Variants in PWWP3A observed in about 807,000 individuals in gnomAD.
PWWP3A encodes the protein PWWP domain containing 3A, DNA repair factor.
PWWP3A carries 53 observed loss-of-function variants against 79.0 expected under a neutral mutation model. The ratio of observed to expected loss-of-function variants is 0.67; its 90% CI spans 0.54 to 0.84. PWWP3A has a LOEUF of 0.84. Among genes scored for constraint, PWWP3A ranks in the 40% least tolerant of loss-of-function variants. The probability of loss-of-function intolerance (pLI) is 0.00; values close to 1 mark genes in which losing one functional copy is unlikely to be tolerated. For synonymous variants in PWWP3A, 443 were observed against 394.4 expected (o/e 1.12, Z -1.46); for missense variants, 973 against 948.0 (o/e 1.03, Z -0.35).
chr19:1,370,737 C>A lies in PWWP3A; in HGVS notation c.1645C>A (p.Pro549Thr). 1 of 1,482,210 alleles carries A rather than the reference C, an allele frequency of 6.7e-7. No homozygotes were observed. Among genetic ancestry groups the A allele is most frequent in the Non-Finnish European group, 9.0e-7 (1 of 1,113,292 alleles). The allele number at this position is 1,482,210 out of a possible 1,614,324, so 91.8% of individuals were successfully genotyped here. ...CCCCGAGGAGCCCGTGGTGGGGTGC[C>A]CCCTGGGGCAGAGGCAGCCCTGCCG... ...GSPEEPVVGC[P>T]LGQRQPCRKM... is the part of the protein sequence containing the mutation. The change falls in exon 12 of 14, where the codon CCC (proline) becomes ACC (threonine). Residue 549 changes from proline to threonine, a missense_variant. Transcript: ENST00000591337.
intron 3 of PWWP3A, chr19:1,358,030 C>G: frequency 4.9e-6 from 1 of 205,528 alleles, no homozygotes; most frequent in East Asian, 1.2e-4. Flanking sequence ...CCAAAACACA[C>G]CTGCTGGGCT....
chr19:1,367,026 T>C, intron 8 of PWWP3A, 134 bp from the exon 9 acceptor site: 3 of 668,780 alleles, frequency 4.5e-6, no homozygotes, highest in Non-Finnish European at 7.7e-6. Context: ...GGGGAAACGG[T>C]CACCTTCCAT....
intron 13 of PWWP3A, among the ~76,000 whole-genome samples, chr19:1,375,070 A>C (rs899334216): frequency 1.3e-5 from 2 of 151,646 alleles, no homozygotes; most frequent in East Asian, 1.9e-4. Context: ...AAAAAAAAAA[A>C]AAACCAAGCA....
At chr19:1,358,670 C>G (rs1446531532) in intron 4 of PWWP3A, 1 of 1,528,520 alleles carries the variant, frequency 6.5e-7, no homozygotes. Context: ...CCTAGAACCA[C>G]TCCTATTCTT....
chr19:1,369,776 TC>T lies in PWWP3A; in HGVS notation c.1549+131del, dbSNP rs2144748384. The T allele has an allele frequency of 3.8e-6, 4 of 1,057,172 alleles. No individual in the cohort carries two copies. The highest frequency in any genetic ancestry group is 5.9e-6 in the Non-Finnish European group (4 of 681,328). 65.5% of individuals were successfully genotyped at this position (1,057,172 alleles called of 1,614,324 possible). A position where few individuals can be genotyped will look rare whatever the true frequency, so the allele number is the denominator to read the frequency against. ...ACTGTCCGCAGCCACACAGCATTGTTCAACCTCTATGAGGTTTTGATGTGAC... is the reference window on the plus strand; with the variant it reads ...ACTGTCCGCAGCCACACAGCATTGTTAACCTCTATGAGGTTTTGATGTGAC... On this transcript the variant is annotated intron_variant, in intron 11 of 13. Transcript: ENST00000591337. This position sits in a 1 kb window ranked among gnomAD's most constrained non-coding sequence, Gnocchi z 4.0.
chr19:1,356,120 A>C (rs1600092316), intron 1 of PWWP3A, among the ~76,000 whole-genome samples: 1 of 152,258 alleles, frequency 6.6e-6, no homozygotes, highest in East Asian at 1.9e-4. Flanking sequence ...ATTTATGAAA[A>C]AATGCAGGCG....
chr19:1,362,292 G>C lies in PWWP3A; in HGVS notation c.1154G>C (p.Arg385Pro). 1 of 1,614,092 alleles carries C rather than the reference G, an allele frequency of 6.2e-7. No homozygotes were observed. The highest frequency in any genetic ancestry group is 8.5e-7 in the Non-Finnish European group (1 of 1,180,006). The part of the protein sequence containing the change: ...SEESMGSNSM[R>P]SILEEDEEDE... Reference sequence around the variant, plus strand: ...GAGTCCATGGGGTCTAATTCCATGCGTTCTATCCTGGAGGAAGACGAGGAA... The same window carrying C: ...GAGTCCATGGGGTCTAATTCCATGCCTTCTATCCTGGAGGAAGACGAGGAA... Residue 385 changes from arginine to proline, a missense_variant, in exon 6 of 14, where the codon CGT becomes CCT. By Grantham distance (103) the Arg-to-Pro change is moderately radical. Coordinates refer to ENST00000591337, the MANE Select transcript of PWWP3A (RefSeq NM_001369789.1).
intron 5 of PWWP3A, chr19:1,361,977 T>G (rs2082026347): frequency 3.1e-6 from 1 of 327,100 alleles, no homozygotes; most frequent in Non-Finnish European, 5.8e-6. Context: ...GCAGCTTCTG[T>G]GGCCGAGGTG....
In PWWP3A at chr19:1,369,566, A is replaced by C; in HGVS notation, c.1499-30A>C. ...TTCCTGGGACTCCTCTTAGGTCTACACAGTGCTCTCTCCCCTCCACCCCCT... is the reference window on the plus strand; with the variant it reads ...TTCCTGGGACTCCTCTTAGGTCTACCCAGTGCTCTCTCCCCTCCACCCCCT... On this transcript the variant is annotated intron_variant, in intron 10 of 13. Transcript: ENST00000591337. This position sits in a 1 kb window ranked among gnomAD's most constrained non-coding sequence, Gnocchi z 4.0. 3.1e-6 allele frequency: 5 copies of C among 1,613,786 alleles called. No individual in the cohort carries two copies. Among genetic ancestry groups the C allele is most frequent in the Non-Finnish European group, 4.2e-6 (5 of 1,179,696 alleles).
intron 13 of PWWP3A, among the ~76,000 whole-genome samples, chr19:1,374,818 G>A (rs2144770868): frequency 6.6e-6 from 1 of 152,190 alleles, no homozygotes; most frequent in South Asian, 2.1e-4. Context: ...AAGGTGGGAG[G>A]ATCCTCTGAG....
chr19:1,360,672 G>A lies in PWWP3A; in HGVS notation c.751G>A (p.Ala251Thr), dbSNP rs143537895. 2.0e-5 allele frequency: 32 copies of A among 1,613,088 alleles called. No individual in the cohort carries two copies. The African/African-American group carries it at 4.0e-4, about 20-fold the overall frequency. The change falls in exon 5 of 14, where the codon GCA becomes ACA. Residue 251 changes from alanine (A) to threonine (T), a missense_variant. Transcript: ENST00000591337. The surrounding 1 kb of genome is among the most constrained non-coding windows in gnomAD (Gnocchi z 4.4). ...RDMGSKGGSW[A>T]APSLPSGVRE... ...CATGGGGAGCAAAGGAGGCAGCTGG[G>A]CAGCCCCGTCCTTGCCCTCCGGGGT...
chr19:1,367,560 T>TC (rs1351257444), intron 9 of PWWP3A, among the ~76,000 whole-genome samples: 2 of 152,216 alleles, frequency 1.3e-5, no homozygotes, highest in Non-Finnish European at 2.9e-5. Flanking sequence ...GCCGACTGTC[T>TC]CAGTCCACCC....
chr19:1,367,842 G>A (rs886216873), intron 9 of PWWP3A, among the ~76,000 whole-genome samples: 5 of 152,176 alleles, frequency 3.3e-5, no homozygotes, highest in African/African-American at 7.2e-5. Context: ...GCACCAACAC[G>A]TCAACTCAGT....
In PWWP3A at chr19:1,355,873, C is replaced by T. The variant is rs72981676; in HGVS notation, c.-69-451C>T. ...GATGCTGTGAACGGTCTGCAGCTGT[C>T]CCCGTTCTTTCAGGGACATGGCAGC... On this transcript the variant is annotated intron_variant, in intron 1 of 13. Coordinates refer to ENST00000591337, the MANE Select transcript of PWWP3A (RefSeq NM_001369789.1). 4.3e-3 allele frequency among the ~76,000 whole-genome samples: 654 copies of T among 151,918 alleles called. 6 individuals carry two copies. Among genetic ancestry groups the T allele is most frequent in the Non-Finnish European group, 5.6e-3 (381 of 67,966 alleles).
chr19:1,367,413 A>G (rs72983524), intron 9 of PWWP3A, among the ~76,000 whole-genome samples, 193 bp downstream of exon 9: 9,851 of 152,310 alleles, frequency 0.065, 415 homozygotes, highest in Non-Finnish European at 0.097. Flanking sequence ...GAATTCTCAC[A>G]ACTGTCCTGG....
chr19:1,368,953 C>T lies in PWWP3A; in HGVS notation c.1423-312C>T, dbSNP rs1007759344. 7.1e-6 allele frequency among the ~76,000 whole-genome samples: 1 copy of T among 141,114 alleles called. No individual in the cohort carries two copies. Among genetic ancestry groups the T allele is most frequent in the Admixed American group, 7.1e-5 (1 of 14,148 alleles). 92.6% of individuals were successfully genotyped at this position (141,114 alleles called of 152,430 possible). ...CCATCGGGTCCCCGGTGCCCACCTG[C>T]GTTCAGATCAGCCCAAGCCATCGGG... is the stretch of plus-strand genomic sequence containing the variant. On this transcript the variant is annotated intron_variant, in intron 9 of 13. Transcript: ENST00000591337. This position sits in a 1 kb window ranked among gnomAD's most constrained non-coding sequence, Gnocchi z 4.7.
chr19:1,362,121 T>C, intron 5 of PWWP3A, 129 bp from the exon 6 acceptor site: 1 of 598,444 alleles, frequency 1.7e-6, no homozygotes, highest in Non-Finnish European at 2.8e-6. Context: ...AATTTGGCAG[T>C]GTGGAGTTGT....
chr19:1,356,526 C>T (rs1415501483), intron 2 of PWWP3A, 77 bp downstream of exon 2: 6 of 1,384,064 alleles, frequency 4.3e-6, no homozygotes, highest in Non-Finnish European at 6.1e-6. Context: ...TCAGGAGATA[C>T]CTAGGATTTG....
intron 9 of PWWP3A, among the ~76,000 whole-genome samples, chr19:1,367,934 G>GT (rs202219664): frequency 0.014 from 2,061 of 151,942 alleles, 38 homozygotes; most frequent in African/African-American, 0.046. Context: ...ACTTTCTTTT[G>GT]TTTTTTTTGA....
Sources: gnomAD v4.1 joint callset for allele counts (sites outside exome capture counted in the v4.1 genomes callset) on GRCh38, gnomAD v4.1.1 for gene constraint, Gnocchi (gnomAD v3.1) non-coding constraint, MANE v1.5 for transcripts, NCBI Gene and HGNC (gene_info 2026-07-23, HGNC 2026-07-21) for gene names.